The following CFAP299 variants were observed in gnomAD, a reference collection of about 807,000 sequenced individuals.
The protein encoded by CFAP299 is cilia and flagella associated protein 299.
In CFAP299, 21 loss-of-function variants were observed where a neutral mutation model predicts 27.0. That is an observed-to-expected ratio of 0.78 (90% CI 0.55 to 1.12). The LOEUF is 1.12. CFAP299 is among the 50% of genes most tolerant of loss of function. The pLI is 0.00. For synonymous variants in CFAP299, 104 were observed against 98.1 expected, an observed-to-expected ratio of 1.06 and a Z score of -0.36; for missense variants, 310 against 276.6, an observed-to-expected ratio of 1.12 and a Z score of -0.86.
At chr4:80,658,128 T>C in intron 3 of CFAP299, among the ~76,000 whole-genome samples, 1 of 152,180 alleles carries the variant, frequency 6.6e-6, no homozygotes, top group East Asian at 1.9e-4. Context: ...AAGGAGATTT[T>C]GGGCTGAGAC....
chr4:80,864,664 C>G (rs924369258), intron 3 of CFAP299, among the ~76,000 whole-genome samples: 1 of 151,490 alleles, frequency 6.6e-6, no homozygotes, highest in Non-Finnish European at 1.5e-5. Context: ...GCAACCCTAA[C>G]ATAACTATAT....
chr4:80,870,100 A>G lies in CFAP299; in HGVS notation c.441A>G (p.Gly147=), dbSNP rs776816001. ...AAGATTTTGAAGTCTACTTTACTGG[A>G]AAAAAAAGACTTCTTCCAAGGCCTA... The part of the protein sequence containing the change: ...KTEDFEVYFT[G]KKRLLPRPTD... Residue 147 remains glycine, a synonymous_variant, in exon 4 of 6, where the codon GGA becomes GGG. Transcript: ENST00000358105. The G allele has an allele frequency of 5.0e-6, 8 of 1,608,510 alleles. No individual in the cohort carries two copies. Among genetic ancestry groups the G allele is most frequent in the African/African-American group, 4.0e-5 (3 of 74,644 alleles).
At chr4:80,375,755 G>T (rs1724374333) in intron 2 of CFAP299, among the ~76,000 whole-genome samples, 2 of 152,110 alleles carry the variant, frequency 1.3e-5, no homozygotes, top group African/African-American at 4.8e-5. Flanking sequence ...TGCTAGAGGG[G>T]CGCCACATTT....
At chr4:80,799,314 A>G (rs1194126369) in intron 3 of CFAP299, among the ~76,000 whole-genome samples, 1 of 99,168 alleles carries the variant, frequency 1.0e-5, no homozygotes, top group African/African-American at 4.4e-5. Context: ...ATATTTATAT[A>G]TATAAATATA....
intron 4 of CFAP299, among the ~76,000 whole-genome samples, chr4:80,889,680 A>G (rs1404905672): frequency 6.6e-6 from 1 of 152,098 alleles, no homozygotes; most frequent in African/African-American, 2.4e-5. Context: ...AAAATGGAAA[A>G]CTGCAGGCCA....
chr4:80,619,228 T>C (rs1738453228), intron 3 of CFAP299, among the ~76,000 whole-genome samples: 1 of 151,454 alleles, frequency 6.6e-6, no homozygotes, highest in South Asian at 2.1e-4. Context: ...TCAAACTTTA[T>C]TCTGATTTAT....
At chr4:80,962,395 A>T (rs1738387539) in intron 5 of CFAP299, among the ~76,000 whole-genome samples, 1 of 151,968 alleles carries the variant, frequency 6.6e-6, no homozygotes, top group Non-Finnish European at 1.5e-5. Flanking sequence ...GCAATGATTA[A>T]TTGAATTCCA....
intron 3 of CFAP299, among the ~76,000 whole-genome samples, chr4:80,715,991 A>G (rs1169698866): frequency 6.6e-6 from 1 of 152,074 alleles, no homozygotes; most frequent in Non-Finnish European, 1.5e-5. Flanking sequence ...TGGGAATCCA[A>G]TTTGATTTTT....
intron 3 of CFAP299, among the ~76,000 whole-genome samples, chr4:80,707,548 A>C (rs1948430): frequency 0.075 from 11,478 of 152,078 alleles, 641 homozygotes; most frequent in East Asian, 0.22. Context: ...CAGTGTTTAA[A>C]GTGCCACACA....
chr4:80,673,367 C>T (rs1310708824), intron 3 of CFAP299, among the ~76,000 whole-genome samples: 1 of 152,130 alleles, frequency 6.6e-6, no homozygotes, highest in East Asian at 1.9e-4. Flanking sequence ...GCACTGTGGT[C>T]TGAGAGACAG....
chr4:80,549,592 T>A (rs193124548), intron 2 of CFAP299, among the ~76,000 whole-genome samples: 4 of 152,312 alleles, frequency 2.6e-5, no homozygotes, highest in African/African-American at 9.6e-5. Flanking sequence ...AATATGCTGC[T>A]GTGCATTGTG....
intron 2 of CFAP299, among the ~76,000 whole-genome samples, chr4:80,399,722 G>A (rs1024429933): frequency 6.6e-6 from 1 of 151,180 alleles, no homozygotes; most frequent in Admixed American, 6.6e-5. Flanking sequence ...GATAGCATTA[G>A]GAGATATACC....
intron 3 of CFAP299, among the ~76,000 whole-genome samples, chr4:80,741,241 T>G (rs1724249622): frequency 6.6e-6 from 1 of 152,118 alleles, no homozygotes; most frequent in South Asian, 2.1e-4. Flanking sequence ...AGTGTTTTGT[T>G]TTTTGTTTCA....
chr4:80,886,296 A>G (rs1733968957), intron 4 of CFAP299, among the ~76,000 whole-genome samples: 1 of 152,216 alleles, frequency 6.6e-6, no homozygotes, highest in Admixed American at 6.5e-5. Context: ...TTTCAAGTGA[A>G]GGGCTTCGGG....
intron 4 of CFAP299, among the ~76,000 whole-genome samples, chr4:80,907,311 A>G (rs924667478): frequency 1.2e-4 from 18 of 152,158 alleles, no homozygotes; most frequent in Non-Finnish European, 2.5e-4. Flanking sequence ...GGCAGTTGCA[A>G]ACTTTCCACA....
intron 3 of CFAP299, among the ~76,000 whole-genome samples, chr4:80,839,894 G>A (rs1730769842): frequency 6.6e-6 from 1 of 152,068 alleles, no homozygotes; most frequent in African/African-American, 2.4e-5. Flanking sequence ...AATGACCAGG[G>A]TTCTAGCAAG....
intron 1 of CFAP299, among the ~76,000 whole-genome samples, chr4:80,359,786 T>C (rs1213515547): frequency 6.6e-6 from 1 of 152,208 alleles, no homozygotes; most frequent in Non-Finnish European, 1.5e-5. Context: ...ACTTCAATTA[T>C]CTTTGTTCCT....
At chr4:80,829,153 G>A (rs905291826) in intron 3 of CFAP299, among the ~76,000 whole-genome samples, 1 of 151,828 alleles carries the variant, frequency 6.6e-6, no homozygotes, top group East Asian at 1.9e-4. Context: ...TACAGAATAG[G>A]AGAAAATAAT....
intron 3 of CFAP299, among the ~76,000 whole-genome samples, chr4:80,652,823 C>G (rs1263815743): frequency 6.6e-6 from 1 of 152,088 alleles, no homozygotes; most frequent in East Asian, 1.9e-4. Context: ...TAGGGAAGTT[C>G]TCCCCAGCGT....
Sources: allele counts gnomAD v4.1 joint callset (sites outside exome capture counted in the v4.1 genomes callset), GRCh38; gene constraint gnomAD v4.1.1; transcripts MANE v1.5; gene names NCBI Gene and HGNC (gene_info 2026-07-23, HGNC 2026-07-21).